Variants in CEP128 observed in about 807,000 individuals in gnomAD.
CEP128 encodes the protein centrosomal protein 128.
In CEP128, 132 loss-of-function variants were observed where a neutral mutation model predicts 156.7. The observed-to-expected ratio is 0.84, with a 90% CI of 0.73 to 0.97. CEP128 has a LOEUF of 0.97. Ranked by LOEUF, CEP128 falls within the 50% of genes least tolerant of loss-of-function variation. The pLI is 0.00. For synonymous variants in CEP128, 469 were observed against 448.9 expected, an observed-to-expected ratio of 1.04 and a Z score of -0.57; for missense variants, 1,252 against 1,281.9, an observed-to-expected ratio of 0.98 and a Z score of 0.36.
At chr14:80,539,976 G>T (rs1889668866) in intron 21 of CEP128, among the ~76,000 whole-genome samples, 1 of 152,150 alleles carries the variant, frequency 6.6e-6, no homozygotes, top group African/African-American at 2.4e-5. Context: ...TTTGTGGTCA[G>T]ACTGGTTCTC....
At chr14:80,829,742 C>A (rs969557735) in intron 13 of CEP128, among the ~76,000 whole-genome samples, 1 of 152,204 alleles carries the variant, frequency 6.6e-6, no homozygotes, top group African/African-American at 2.4e-5. Flanking sequence ...AAACTCTATA[C>A]AACCAAACCA....
At chr14:80,926,862 G>C (rs1301396513) in intron 2 of CEP128, among the ~76,000 whole-genome samples, 1 of 152,184 alleles carries the variant, frequency 6.6e-6, no homozygotes, top group East Asian at 1.9e-4. Flanking sequence ...CCTTGAGTCT[G>C]TCCACAGCCC....
rs1272859247 is a variant in CEP128, at chr14:80,836,325, G to C, written c.937C>G (p.Arg313Gly). ...CCTTCTGCTTTCGTAAGTTGTGTAC[G>C]CAGTTCTTCTACCTAACACATGGTC... ...ETLLHQVEELRTQLTKAEGDR... is the reference protein window; with the variant it reads ...ETLLHQVEELGTQLTKAEGDR... Residue 313 changes from arginine (R) to glycine (G), a missense_variant, in exon 12 of 25, where the codon CGT becomes GGT. Coordinates refer to ENST00000555265, the MANE Select transcript of CEP128 (RefSeq NM_152446.5). 2 of 1,613,850 alleles carry C rather than the reference G, an allele frequency of 1.2e-6. No individual in the cohort carries two copies. Among genetic ancestry groups the C allele is most frequent in the South Asian group, 2.2e-5 (2 of 91,030 alleles).
At chr14:80,944,525 T>G (rs575243963), upstream of CEP128, among the ~76,000 whole-genome samples, 1 of 152,242 alleles carries the variant, frequency 6.6e-6, no homozygotes, top group African/African-American at 2.4e-5. Context: ...TGTAAGTCAA[T>G]CAAACCACTT....
chr14:80,821,665 C>G (rs1301547198), intron 13 of CEP128, among the ~76,000 whole-genome samples: 2 of 150,026 alleles, frequency 1.3e-5, no homozygotes, highest in Non-Finnish European at 3.0e-5. Context: ...CTAAGAATCA[C>G]AAGGCCCCAT....
chr14:80,786,505 A>T (rs1338386349), intron 14 of CEP128, among the ~76,000 whole-genome samples: 3 of 152,218 alleles, frequency 2.0e-5, no homozygotes, highest in Non-Finnish European at 4.4e-5. Flanking sequence ...TCCAAAAAAA[A>T]GTTTCCCCAA....
intron 19 of CEP128, among the ~76,000 whole-genome samples, chr14:80,732,515 T>TGC (rs1555396243): frequency 0.077 from 11,452 of 147,924 alleles, 645 homozygotes; most frequent in Non-Finnish European, 0.12. Context: ...TGTGTGTGTG[T>TGC]GTGTGGTTTC....
chr14:80,941,354 G>C (rs1421805067), intron 1 of CEP128, among the ~76,000 whole-genome samples: 4 of 152,080 alleles, frequency 2.6e-5, no homozygotes, highest in African/African-American at 9.7e-5. Flanking sequence ...GGGTAACCTG[G>C]CCAGGACCTG....
intron 8 of CEP128, among the ~76,000 whole-genome samples, chr14:80,894,990 G>A (rs1889278925): frequency 6.6e-6 from 1 of 151,568 alleles, no homozygotes; most frequent in African/African-American, 2.4e-5. Context: ...TTGAAAAAAA[G>A]GTATTATGAG....
intron 16 of CEP128, among the ~76,000 whole-genome samples, chr14:80,766,220 C>T (rs181188802): frequency 2.0e-5 from 3 of 152,244 alleles, no homozygotes; most frequent in Non-Finnish European, 4.4e-5. Context: ...ATAGTTCCAT[C>T]GTCAAGACAG....
At chr14:80,804,108 GA>G (rs1884036145) in intron 13 of CEP128, among the ~76,000 whole-genome samples, 1 of 151,576 alleles carries the variant, frequency 6.6e-6, no homozygotes, top group African/African-American at 2.4e-5. Flanking sequence ...AGAACATAAA[GA>G]ATAATTTTAA....
At chr14:80,761,401 CT>C (rs1899960210) in intron 17 of CEP128, 35 bp downstream of exon 17, 1 of 1,432,510 alleles carries the variant, frequency 7.0e-7, no homozygotes, top group Admixed American at 1.9e-5. Context: ...AGGAAACTAA[CT>C]GAAAATATAA....
intron 8 of CEP128, among the ~76,000 whole-genome samples, chr14:80,875,661 T>C (rs1888245221): frequency 6.6e-6 from 1 of 152,154 alleles, no homozygotes; most frequent in South Asian, 2.1e-4. Flanking sequence ...AATCAGTGAG[T>C]GGGTTTAATA....
intron 19 of CEP128, among the ~76,000 whole-genome samples, chr14:80,625,398 T>C (rs994855429): frequency 6.6e-6 from 1 of 152,190 alleles, no homozygotes; most frequent in East Asian, 1.9e-4. Flanking sequence ...TCGAGCTTTG[T>C]TCTTCTTGCT....
At chr14:80,689,668 C>CTG (rs1256522846) in intron 19 of CEP128, among the ~76,000 whole-genome samples, 7 of 152,118 alleles carry the variant, frequency 4.6e-5, no homozygotes, top group African/African-American at 1.7e-4. Flanking sequence ...TACTGTTGTA[C>CTG]TCTGTGTGTG....
chr14:80,630,447 T>A (rs1270676192), intron 19 of CEP128, among the ~76,000 whole-genome samples: 1 of 152,012 alleles, frequency 6.6e-6, no homozygotes, highest in Non-Finnish European at 1.5e-5. Flanking sequence ...GGTAAATTCA[T>A]TAAAATAGTA....
intron 19 of CEP128, among the ~76,000 whole-genome samples, chr14:80,691,654 A>C (rs1316512839): frequency 6.6e-6 from 1 of 152,218 alleles, no homozygotes; most frequent in African/African-American, 2.4e-5. Flanking sequence ...TTATTTACTA[A>C]ATTTTCATGA....
chr14:80,944,839 AAAAAAAAAAAAAAAAAAAC>A (rs1839146385), upstream of CEP128, among the ~76,000 whole-genome samples: 2 of 118,522 alleles, frequency 1.7e-5, no homozygotes, highest in African/African-American at 7.4e-5. Flanking sequence ...AAAAAAAAAA[AAAAAAAAAAAAAAAAAAAC>A]AGAAAAAACA....
At chr14:80,709,182 C>T (rs935242998) in intron 19 of CEP128, among the ~76,000 whole-genome samples, 17 of 151,442 alleles carry the variant, frequency 1.1e-4, no homozygotes, top group Non-Finnish European at 2.1e-4. Flanking sequence ...TCTTGTCATC[C>T]AGGCTGACGT....
Sources: gnomAD v4.1 joint callset for allele counts (sites outside exome capture counted in the v4.1 genomes callset) on GRCh38, gnomAD v4.1.1 for gene constraint, MANE v1.5 for transcripts, NCBI Gene and HGNC (gene_info 2026-07-23, HGNC 2026-07-21) for gene names.